OTOF: variants seen among roughly 807,000 people sequenced by gnomAD.
OTOF encodes the protein otoferlin, also known as fer-1-like family member 2.
Under a neutral mutation model 236.8 loss-of-function variants are expected in OTOF, and 218 were observed. That is an observed-to-expected ratio of 0.92 (90% CI 0.82 to 1.03). The LOEUF is 1.03. OTOF is among the 50% of genes least tolerant of loss of function. The pLI is 0.00. For missense variants in OTOF, 2,590 were observed against 2,694.4 expected, an observed-to-expected ratio of 0.96 and a Z score of 0.86; for synonymous variants, 1,041 against 1,072.5, an observed-to-expected ratio of 0.97 and a Z score of 0.57.
At chr2:26,512,482 C>G (rs1666415350) in intron 5 of OTOF, among the ~76,000 whole-genome samples, 1 of 152,226 alleles carries the variant, frequency 6.6e-6, no homozygotes, top group African/African-American at 2.4e-5. Flanking sequence ...GAGACTAGGG[C>G]AGGCATACGC....
intron 3 of OTOF, among the ~76,000 whole-genome samples, chr2:26,519,339 G>A (rs1011399890): frequency 3.3e-5 from 5 of 152,214 alleles, no homozygotes; most frequent in African/African-American, 1.2e-4. Flanking sequence ...AGAGCTCCAA[G>A]GGGCAGTGAG....
intron 8 of OTOF, among the ~76,000 whole-genome samples, chr2:26,499,043 G>A (rs935584822): frequency 6.6e-6 from 1 of 152,126 alleles, no homozygotes; most frequent in Non-Finnish European, 1.5e-5. Context: ...AAATGGAGGT[G>A]AAAACTGGAG....
chr2:26,538,941 G>A (rs912637169), intron 1 of OTOF, among the ~76,000 whole-genome samples: 5 of 151,774 alleles, frequency 3.3e-5, no homozygotes, highest in Non-Finnish European at 1.5e-5. Flanking sequence ...AGCCTCCTGA[G>A]TAACTGGGAT....
intron 2 of OTOF, among the ~76,000 whole-genome samples, chr2:26,528,843 T>G (rs1666872392): frequency 6.6e-6 from 1 of 152,234 alleles, no homozygotes; most frequent in Non-Finnish European, 1.5e-5. Flanking sequence ...TTTGTGGTAC[T>G]TCTTGGGGAA....
rs1664936188 is a variant in OTOF, at chr2:26,470,725, C to T, written c.3895-4G>A. 6.2e-7 allele frequency: 1 copy of T among 1,612,454 alleles called. No homozygotes were observed. The highest frequency in any genetic ancestry group is 2.2e-5 in the East Asian group (1 of 44,876). ...TCTTCTCCTTCTCCTCCTCAGCCTG[C>T]AGGTTGGCCAGGTCCAGAGTCCTAC... On this transcript the variant is annotated splice_region_variant and splice_polypyrimidine_tract_variant and intron_variant, in intron 31 of 46. Transcript: ENST00000272371. This position sits in a 1 kb window ranked among gnomAD's most constrained non-coding sequence, Gnocchi z 4.3.
At chr2:26,481,783 G>A (rs79047568) in intron 14 of OTOF, among the ~76,000 whole-genome samples, 70 of 152,138 alleles carry the variant, frequency 4.6e-4, no homozygotes, top group Non-Finnish European at 8.7e-4. Context: ...CCTGGAAACC[G>A]GCAATCTACT....
At chr2:26,512,115 C>G (rs1440187760) in intron 5 of OTOF, among the ~76,000 whole-genome samples, 1 of 152,076 alleles carries the variant, frequency 6.6e-6, no homozygotes. Flanking sequence ...CCAGATGAGA[C>G]CCAGCAGAGA....
intron 5 of OTOF, among the ~76,000 whole-genome samples, chr2:26,504,833 C>T (rs1666207665): frequency 6.6e-6 from 1 of 152,192 alleles, no homozygotes; most frequent in South Asian, 2.1e-4. Flanking sequence ...CCCGTTCTCC[C>T]TCCTCCTGGG....
At position 26,480,775 on chromosome 2, in the gene OTOF, T is replaced by C. The variant is rs372583354; in HGVS notation, c.1803+11A>G. ...AGGCCCTGGGGGACAGCACAGTGCC[T>C]GGGGTCTCACCTCCGAGATGGGCGT... On this transcript the variant is annotated intron_variant, in intron 15 of 46. Coordinates refer to ENST00000272371, the MANE Select transcript of OTOF (RefSeq NM_194248.3). 2.5e-6 allele frequency: 4 copies of C among 1,608,042 alleles called. No homozygotes were observed. The highest frequency in any genetic ancestry group is 2.5e-6 in the Non-Finnish European group (3 of 1,177,184).
At chr2:26,467,701 G>T (rs1026658617) in intron 33 of OTOF, among the ~76,000 whole-genome samples, 200 bp from the exon 34 acceptor site, 1 of 152,240 alleles carries the variant, frequency 6.6e-6, no homozygotes, top group Non-Finnish European at 1.5e-5. Flanking sequence ...CCGGGAAGGT[G>T]TCTGAAGACT....
chr2:26,500,630 T>C (rs1257310741), intron 8 of OTOF, among the ~76,000 whole-genome samples: 2 of 152,194 alleles, frequency 1.3e-5, no homozygotes, highest in African/African-American at 4.8e-5. Context: ...CCGTTTGACA[T>C]TGCCTGGGGC....
intron 10 of OTOF, 43 bp from the exon 11 acceptor site, chr2:26,489,338 G>T (rs1350886670): frequency 1.3e-6 from 2 of 1,497,878 alleles, no homozygotes; most frequent in Non-Finnish European, 1.8e-6. Context: ...CCCAGCAAGG[G>T]TGAGGCTTTC....
intron 9 of OTOF, among the ~76,000 whole-genome samples, chr2:26,491,705 C>A (rs1389504239): frequency 1.3e-5 from 2 of 152,158 alleles, no homozygotes; most frequent in Non-Finnish European, 2.9e-5. Context: ...AGGAAAGGAG[C>A]CTTAGTCTGG....
At chr2:26,478,558 C>T (rs1040156653) in intron 18 of OTOF, among the ~76,000 whole-genome samples, 36 of 152,266 alleles carry the variant, frequency 2.4e-4, no homozygotes, top group Admixed American at 8.5e-4. Context: ...CTGCACTCCT[C>T]GCCCAGTCAG....
chr2:26,520,802 C>G (rs1000947588), intron 3 of OTOF, among the ~76,000 whole-genome samples: 33 of 152,148 alleles, frequency 2.2e-4, no homozygotes, highest in Non-Finnish European at 4.6e-4. Context: ...ACCACGGGCA[C>G]GAAAAAATAC....
In OTOF at chr2:26,490,549, G is replaced by A. The variant is rs191569764; in HGVS notation, c.898-809C>T. On this transcript the variant is annotated intron_variant, in intron 9 of 46. Transcript: ENST00000272371. ...GGGGCTGCTGCTTTGGTGAACTGTG[G>A]TGGGGGAGAAGGGAGAAATATTTCC... 2.6e-3 allele frequency among the ~76,000 whole-genome samples: 396 copies of A among 152,326 alleles called. 1 individual carries two copies. The highest frequency in any genetic ancestry group is 9.1e-3 in the African/African-American group (380 of 41,566).
chr2:26,523,317 G>T (rs551740983), intron 3 of OTOF, among the ~76,000 whole-genome samples: 1 of 152,348 alleles, frequency 6.6e-6, no homozygotes, highest in East Asian at 1.9e-4. Context: ...AGACCTGGAG[G>T]TCTCCTGGTT....
At position 26,477,356 on chromosome 2, in the gene OTOF, G is replaced by A; in HGVS notation, c.2406+60C>T. 1 of 1,580,468 alleles carries A rather than the reference G, an allele frequency of 6.3e-7. No homozygotes were observed. The highest frequency in any genetic ancestry group is 1.1e-5 in the South Asian group (1 of 87,572). On this transcript the variant is annotated intron_variant, in intron 20 of 46. Transcript: ENST00000272371. The surrounding 1 kb of genome is among the most constrained non-coding windows in gnomAD (Gnocchi z 4.7). The stretch of plus-strand genomic sequence containing the variant: ...AGCTCGGGCCATGACAAAGGGGGTT[G>A]TGACACCTTCTCACAACCAGGCCCT...
intron 3 of OTOF, among the ~76,000 whole-genome samples, chr2:26,519,751 T>C (rs1341620472): frequency 1.3e-5 from 2 of 152,150 alleles, no homozygotes; most frequent in Admixed American, 1.3e-4. Flanking sequence ...TTCCTTAAGC[T>C]CTCTCAGTGT....
Sources: allele counts gnomAD v4.1 joint callset (sites outside exome capture counted in the v4.1 genomes callset), GRCh38; gene constraint gnomAD v4.1.1; non-coding constraint Gnocchi (gnomAD v3.1); transcripts MANE v1.5; gene names NCBI Gene and HGNC (gene_info 2026-07-23, HGNC 2026-07-21).